PELI2: variants seen among roughly 807,000 people sequenced by gnomAD.
PELI2 encodes E3 ubiquitin-protein ligase pellino homolog 2.
A neutral mutation model predicts 42.3 loss-of-function variants in PELI2; 23 were observed. The observed-to-expected ratio is 0.54, with a 90% confidence interval of 0.39 to 0.77. PELI2 has a LOEUF of 0.77. Ranked by LOEUF, PELI2 falls within the 30% of genes least tolerant of loss-of-function variation. The pLI is 0.00. For synonymous variants in PELI2, 245 were observed against 212.2 expected (o/e 1.15, Z -1.34); for missense variants, 463 against 553.2 (o/e 0.84, Z 1.64).
At chr14:56,177,986 G>T (rs1464491262) in intron 1 of PELI2, among the ~76,000 whole-genome samples, 1 of 152,192 alleles carries the variant, frequency 6.6e-6, no homozygotes, top group South Asian at 2.1e-4. Context: ...TATCTCTGGG[G>T]TCTATTAGAA....
At chr14:56,262,121 CA>C (rs1888734074) in intron 2 of PELI2, among the ~76,000 whole-genome samples, 2 of 152,180 alleles carry the variant, frequency 1.3e-5, no homozygotes, top group Admixed American at 6.5e-5. Context: ...AGAAGCAGGG[CA>C]AGTGTATTTT....
chr14:56,184,089 G>A (rs1566625228), intron 2 of PELI2, among the ~76,000 whole-genome samples: 1 of 152,024 alleles, frequency 6.6e-6, no homozygotes, highest in Non-Finnish European at 1.5e-5. Context: ...TTGAGACCTT[G>A]GAATTGAGAT....
At chr14:56,165,124 T>A (rs766836097) in intron 1 of PELI2, among the ~76,000 whole-genome samples, 1 of 152,100 alleles carries the variant, frequency 6.6e-6, no homozygotes, top group Non-Finnish European at 1.5e-5. Flanking sequence ...ATTAGATTGT[T>A]CATTTGAAGT....
chr14:56,159,365 G>A (rs1884675564), intron 1 of PELI2, among the ~76,000 whole-genome samples: 1 of 152,198 alleles, frequency 6.6e-6, no homozygotes, highest in Non-Finnish European at 1.5e-5. Flanking sequence ...TGGCAGAGAT[G>A]CCAGAGTATA....
intron 1 of PELI2, among the ~76,000 whole-genome samples, chr14:56,121,411 C>T (rs965990476): frequency 3.9e-5 from 6 of 152,092 alleles, no homozygotes; most frequent in Admixed American, 2.6e-4. Context: ...TAAGAGATTC[C>T]ACATAGCTAG....
intron 1 of PELI2, among the ~76,000 whole-genome samples, chr14:56,173,700 TGTG>T (rs1463411249): frequency 6.6e-6 from 1 of 152,190 alleles, no homozygotes; most frequent in Admixed American, 6.5e-5. Flanking sequence ...TTCCTTGGCT[TGTG>T]GTTGCATCAC....
At chr14:56,144,353 A>G (rs557465113) in intron 1 of PELI2, among the ~76,000 whole-genome samples, 2 of 152,350 alleles carry the variant, frequency 1.3e-5, no homozygotes, top group African/African-American at 4.8e-5. Context: ...TCTGCCAGGA[A>G]AGACAGACTA....
intron 1 of PELI2, among the ~76,000 whole-genome samples, chr14:56,132,336 A>G (rs992376522): frequency 6.6e-6 from 1 of 152,198 alleles, no homozygotes; most frequent in African/African-American, 2.4e-5. Context: ...ACAAGACTGG[A>G]GGCACTTCCC....
chr14:56,205,072 T>G (rs12184996), intron 2 of PELI2, among the ~76,000 whole-genome samples: 60,519 of 147,784 alleles, frequency 0.41, 12,874 homozygotes, highest in South Asian at 0.54. Flanking sequence ...TAAAACCAGG[T>G]AGTGGGTAGC....
intron 2 of PELI2, among the ~76,000 whole-genome samples, chr14:56,231,628 T>A (rs1887575596): frequency 6.6e-6 from 1 of 152,214 alleles, no homozygotes; most frequent in African/African-American, 2.4e-5. Flanking sequence ...GGGAAGTTTA[T>A]AGCACTAAAT....
intron 2 of PELI2, among the ~76,000 whole-genome samples, chr14:56,260,498 CA>C (rs1465308729): frequency 1.3e-5 from 2 of 152,140 alleles, no homozygotes; most frequent in African/African-American, 4.8e-5. Context: ...GCTGCACAGT[CA>C]TGAAGGAACT....
intron 1 of PELI2, among the ~76,000 whole-genome samples, chr14:56,144,686 AGAT>A (rs1263006725): frequency 6.6e-6 from 1 of 152,244 alleles, no homozygotes; most frequent in African/African-American, 2.4e-5. Flanking sequence ...AATTTTGTAA[AGAT>A]GATGTATAAA....
At chr14:56,213,757 CTT>C (rs1886794635) in intron 2 of PELI2, among the ~76,000 whole-genome samples, 2 of 152,162 alleles carry the variant, frequency 1.3e-5, no homozygotes, top group African/African-American at 2.4e-5. Flanking sequence ...CAGTAAAAAA[CTT>C]AAGATTATTT....
At chr14:56,142,018 T>G (rs995794309) in intron 1 of PELI2, among the ~76,000 whole-genome samples, 4 of 152,168 alleles carry the variant, frequency 2.6e-5, no homozygotes, top group African/African-American at 9.7e-5. Flanking sequence ...AGAGAGTTCT[T>G]TTATTGGCAG....
At chr14:56,257,545 A>C (rs1322233333) in intron 2 of PELI2, among the ~76,000 whole-genome samples, 1 of 67,192 alleles carries the variant, frequency 1.5e-5, no homozygotes, top group African/African-American at 6.1e-5. Context: ...GTATATATTC[A>C]TGTGAAACAC....
chr14:56,246,403 A>G (rs1007569744), intron 2 of PELI2, among the ~76,000 whole-genome samples: 1 of 152,204 alleles, frequency 6.6e-6, no homozygotes, highest in Non-Finnish European at 1.5e-5. Flanking sequence ...GTTAATAACT[A>G]CTTAAGCTGC....
chr14:56,179,110 T>G (rs1224977492), intron 2 of PELI2, among the ~76,000 whole-genome samples: 1 of 152,166 alleles, frequency 6.6e-6, no homozygotes, highest in Non-Finnish European at 1.5e-5. Context: ...GATCTATAAG[T>G]CGAGGAAAAA....
intron 1 of PELI2, among the ~76,000 whole-genome samples, chr14:56,163,828 G>A (rs1884854774): frequency 6.6e-6 from 1 of 151,936 alleles, no homozygotes; most frequent in East Asian, 1.9e-4. Context: ...ATTGTAAATG[G>A]GATTACGTTT....
At chr14:56,251,077 G>A (rs546653670) in intron 2 of PELI2, among the ~76,000 whole-genome samples, 3 of 152,258 alleles carry the variant, frequency 2.0e-5, no homozygotes, top group East Asian at 1.9e-4. Flanking sequence ...GCTACAGGCC[G>A]CCCCTGGGGG....
Sources: gnomAD v4.1 joint callset for allele counts (sites outside exome capture counted in the v4.1 genomes callset) on GRCh38, gnomAD v4.1.1 for gene constraint, MANE v1.5 for transcripts, NCBI Gene and HGNC (gene_info 2026-07-23, HGNC 2026-07-21) for gene names.